PIK3CB: variants seen among roughly 807,000 people sequenced by gnomAD.
PIK3CB encodes phosphatidylinositol 4,5-bisphosphate 3-kinase catalytic subunit beta isoform.
A neutral mutation model predicts 136.8 loss-of-function variants in PIK3CB; 39 were observed. That is an observed-to-expected ratio of 0.29 (90% CI 0.22 to 0.37). PIK3CB has a LOEUF of 0.37. PIK3CB is among the 10% of genes least tolerant of loss of function. PIK3CB has a pLI of 1.00. For missense variants in PIK3CB, 868 were observed against 1,275.4 expected (o/e 0.68, Z 4.87); for synonymous variants, 428 against 436.6 (o/e 0.98, Z 0.25).
intron 2 of PIK3CB, among the ~76,000 whole-genome samples, chr3:138,760,212 C>G (rs940331215): frequency 1.3e-5 from 2 of 152,130 alleles, no homozygotes; most frequent in Admixed American, 1.3e-4. Context: ...CGTGACCCAC[C>G]GTGCCCAGCC....
chr3:138,737,261 C>T (rs148494819), intron 6 of PIK3CB, among the ~76,000 whole-genome samples: 70 of 151,596 alleles, frequency 4.6e-4, no homozygotes, highest in African/African-American at 1.6e-3. Flanking sequence ...GGCATGGTGG[C>T]GCACACCTGT....
chr3:138,753,619 T>C (rs1217400347), intron 4 of PIK3CB, among the ~76,000 whole-genome samples: 3 of 152,002 alleles, frequency 2.0e-5, no homozygotes, highest in African/African-American at 7.2e-5. Flanking sequence ...TCACTTGAGC[T>C]TAGGAGTTTG....
At chr3:138,822,708 G>A (rs1030950341) in intron 1 of PIK3CB, among the ~76,000 whole-genome samples, 9 of 151,522 alleles carry the variant, frequency 5.9e-5, no homozygotes, top group African/African-American at 2.2e-4. Context: ...CAGGCGTGTG[G>A]CATGCGCCTA....
At chr3:138,783,562 C>A (rs2045943832) in intron 2 of PIK3CB, among the ~76,000 whole-genome samples, 1 of 152,140 alleles carries the variant, frequency 6.6e-6, no homozygotes, top group African/African-American at 2.4e-5. Flanking sequence ...GGAATAGAGG[C>A]ATGAGCCACC....
intron 1 of PIK3CB, among the ~76,000 whole-genome samples, chr3:138,813,147 A>G (rs1263310837): frequency 6.6e-6 from 1 of 152,126 alleles, no homozygotes; most frequent in Admixed American, 6.6e-5. Context: ...AATGGTGTCT[A>G]GAACTGAACA....
At chr3:138,734,844 C>T (rs1479683138) in intron 6 of PIK3CB, 40 bp from the exon 7 acceptor site, 2 of 1,401,024 alleles carry the variant, frequency 1.4e-6, no homozygotes, top group South Asian at 1.4e-5. Context: ...ATTTTCATGC[C>T]AACACCTAAA....
intron 2 of PIK3CB, among the ~76,000 whole-genome samples, chr3:138,777,144 T>C (rs1332763104): frequency 6.6e-6 from 1 of 152,150 alleles, no homozygotes; most frequent in Non-Finnish European, 1.5e-5. Flanking sequence ...GTCACTGGCA[T>C]AGCCTTCTAT....
At chr3:138,825,371 G>T (rs539162554) in intron 1 of PIK3CB, 4 of 593,070 alleles carry the variant, frequency 6.7e-6, no homozygotes, top group Non-Finnish European at 1.2e-5. Flanking sequence ...TGGCTTATAT[G>T]CTGAAGTGTG....
At chr3:138,675,037 G>A (rs1005254374) in intron 19 of PIK3CB, among the ~76,000 whole-genome samples, 41 of 152,190 alleles carry the variant, frequency 2.7e-4, no homozygotes, top group African/African-American at 9.6e-4. Flanking sequence ...CAGCCTGGGC[G>A]ACAGCACAAG....
At chr3:138,720,996 G>C (rs2044714094) in intron 8 of PIK3CB, among the ~76,000 whole-genome samples, 1 of 152,100 alleles carries the variant, frequency 6.6e-6, no homozygotes, top group African/African-American at 2.4e-5. Context: ...GAGATAATAA[G>C]CCTGCAAACT....
In PIK3CB at chr3:138,714,546, C is replaced by G; in HGVS notation, c.1224G>C (p.Leu408Phe). The G allele has an allele frequency of 6.2e-7, 1 of 1,612,194 alleles. No homozygotes were observed. Among genetic ancestry groups the G allele is most frequent in the Non-Finnish European group, 8.5e-7 (1 of 1,178,500 alleles). Residue 408 changes from leucine (L) to phenylalanine (F), a missense_variant, in exon 9 of 24, where the codon TTG becomes TTC. Transcript: ENST00000674063. ...ARLCFAVYAV[L>F]DKVKTKKSTK... ...TTGATTTCTTCGTTTTTACTTTATC[C>G]AAAACTGCATAAACAGCAAAACATA...
At chr3:138,717,958 C>T (rs560227478) in intron 8 of PIK3CB, among the ~76,000 whole-genome samples, 20 of 152,254 alleles carry the variant, frequency 1.3e-4, no homozygotes, top group Admixed American at 1.2e-3. Context: ...AGGTTAATTC[C>T]ACATCTTTGC....
At chr3:138,667,207 CAAAAAAAAAAAAAA>C (rs149370978) in intron 19 of PIK3CB, among the ~76,000 whole-genome samples, 4 of 72,678 alleles carry the variant, frequency 5.5e-5, no homozygotes, top group African/African-American at 5.4e-5. Flanking sequence ...GACTCTGTCT[CAAAAAAAAAAAAAA>C]AAAAAAAAAG....
intron 21 of PIK3CB, among the ~76,000 whole-genome samples, chr3:138,660,083 A>C (rs144935483): frequency 6.2e-4 from 94 of 150,916 alleles, no homozygotes; most frequent in Admixed American, 5.4e-3. Flanking sequence ...TTTTTTGGAG[A>C]TATTAAGGCA....
At chr3:138,811,499 C>A (rs1364846029) in intron 1 of PIK3CB, among the ~76,000 whole-genome samples, 1 of 149,894 alleles carries the variant, frequency 6.7e-6, no homozygotes, top group East Asian at 2.0e-4. Context: ...AATCTCGGCT[C>A]ACTGCAACCT....
At chr3:138,784,159 G>A (rs911766647) in intron 2 of PIK3CB, among the ~76,000 whole-genome samples, 1 of 152,194 alleles carries the variant, frequency 6.6e-6, no homozygotes, top group Non-Finnish European at 1.5e-5. Flanking sequence ...TGGAAGACAA[G>A]TGGATCACCT....
chr3:138,719,235 A>ATTTTT (rs34980826), intron 8 of PIK3CB, among the ~76,000 whole-genome samples: 1 of 69,558 alleles, frequency 1.4e-5, no homozygotes, highest in African/African-American at 6.1e-5. Flanking sequence ...TTAGCTCAGT[A>ATTTTT]TTTTTTTTTT....
intron 1 of PIK3CB, among the ~76,000 whole-genome samples, chr3:138,830,221 AC>A (rs1051697766): frequency 1.3e-5 from 2 of 151,422 alleles, no homozygotes; most frequent in Non-Finnish European, 2.9e-5. Context: ...CACCACAACC[AC>A]CCCCTGCCCA....
Position 138,739,335 on chromosome 3 carries a change from T to C in PIK3CB, c.622-1449A>G, listed in dbSNP as rs112433553. ...GGTGCATGCCTGTAGTCCCAGCTAC[T>C]TGGGAGGCTAGGCAGGAGAATCACT... On this transcript the variant is annotated intron_variant, in intron 5 of 23. Transcript: ENST00000674063. Among the ~76,000 whole-genome samples the C allele has an allele frequency of 7.1e-3, 1,075 of 151,892 alleles. 12 individuals are homozygous for C. The highest frequency in any genetic ancestry group is 0.025 in the African/African-American group (1,027 of 41,432).
Sources: allele counts gnomAD v4.1 joint callset (sites outside exome capture counted in the v4.1 genomes callset), GRCh38; gene constraint gnomAD v4.1.1; transcripts MANE v1.5; gene names NCBI Gene and HGNC (gene_info 2026-07-23, HGNC 2026-07-21).